TNKS: variants seen among roughly 807,000 people sequenced by gnomAD.
TNKS encodes the protein tankyrase.
Under a neutral mutation model 135.8 loss-of-function variants are expected in TNKS, and 72 were observed. The ratio of observed to expected loss-of-function variants is 0.53; its 90% CI spans 0.44 to 0.64. The LOEUF (loss-of-function observed/expected upper bound fraction) is 0.64, where lower values mean the gene tolerates loss of function less well. Ranked by LOEUF, TNKS falls within the 30% of genes least tolerant of loss-of-function variation. The pLI, the probability that TNKS is intolerant of heterozygous loss-of-function variation, is 0.00. For missense variants in TNKS, 1,769 were observed against 1,674.0 expected, an observed-to-expected ratio of 1.06 and a Z score of -0.99; for synonymous variants, 849 against 649.3, an observed-to-expected ratio of 1.31 and a Z score of -4.68.
intron 5 of TNKS, among the ~76,000 whole-genome samples, chr8:9,686,580 G>A (rs766515190): frequency 3.3e-5 from 5 of 152,160 alleles, no homozygotes; most frequent in Non-Finnish European, 5.9e-5. Flanking sequence ...TACTGAAAAT[G>A]ATTCGTTGAT....
In TNKS at chr8:9,781,553, C is replaced by T. The variant is rs1204471342; in HGVS notation, c.*4817C>T. ...CTCCGTGACACAAAACACTGAAACT[C>T]TTCATGTGCATATAACACCTGCTTC... On this transcript the variant is annotated 3_prime_UTR_variant, in exon 27 of 27. Transcript: ENST00000310430. The T allele has an allele frequency of 6.6e-6, 1 of 152,364 alleles. No homozygotes were observed. Among genetic ancestry groups the T allele is most frequent in the Non-Finnish European group, 1.5e-5 (1 of 68,054 alleles). The allele number at this position is 152,364 out of a possible 1,614,324, so 9.4% of individuals were successfully genotyped here.
chr8:9,680,744 C>G lies in TNKS; in HGVS notation c.1051C>G (p.Leu351Val), dbSNP rs1194862970. 6.2e-7 allele frequency: 1 copy of G among 1,611,858 alleles called. No individual in the cohort carries two copies. Among genetic ancestry groups the G allele is most frequent in the East Asian group, 2.2e-5 (1 of 44,724 alleles). The change falls in exon 5 of 27, where the codon CTA becomes GTA. Residue 351 changes from leucine to valine, a missense_variant. Transcript: ENST00000310430. ...EAARSGNEEK[L>V]MALLTPLNVN... ...TTATAGGAGTGGTAATGAAGAAAAA[C>G]TAATGGCTTTACTGACTCCTCTAAA...
At chr8:9,560,327 C>T (rs772802184) in intron 1 of TNKS, among the ~76,000 whole-genome samples, 40 of 151,540 alleles carry the variant, frequency 2.6e-4, no homozygotes, top group Non-Finnish European at 4.0e-4. Context: ...TTAACATATA[C>T]GACTTGGATT....
rs371978406 is a variant in TNKS, at chr8:9,762,899, C to T, written c.3275-248C>T. Among the ~76,000 whole-genome samples the T allele has an allele frequency of 4.4e-3, 577 of 131,242 alleles. 5 individuals carry two copies. The highest frequency in any genetic ancestry group is 0.016 in the African/African-American group (548 of 35,044). The allele number at this position is 131,242 out of a possible 152,430, so 86.1% of individuals were successfully genotyped here. Reference sequence around the variant, plus strand: ...CAGCCTGGGCGACAGAGCGAGGCTCCGTCTCAAAAAAAAAAAAAAAAGAAC... The same window carrying T: ...CAGCCTGGGCGACAGAGCGAGGCTCTGTCTCAAAAAAAAAAAAAAAAGAAC... On this transcript the variant is annotated intron_variant, in intron 21 of 26. Coordinates refer to ENST00000310430, the MANE Select transcript of TNKS (RefSeq NM_003747.3).
At chr8:9,654,957 A>T (rs1585283547) in intron 3 of TNKS, among the ~76,000 whole-genome samples, 1 of 152,160 alleles carries the variant, frequency 6.6e-6, no homozygotes, top group Non-Finnish European at 1.5e-5. Context: ...GCATCGCCTC[A>T]CCTGGGAAGC....
chr8:9,613,224 C>G (rs942550465), intron 2 of TNKS, among the ~76,000 whole-genome samples: 10 of 152,168 alleles, frequency 6.6e-5, no homozygotes, highest in Non-Finnish European at 8.8e-5. Flanking sequence ...AGTTAGCTGA[C>G]CCCTGCCCTA....
chr8:9,587,266 TG>T (rs1798417130), intron 2 of TNKS, among the ~76,000 whole-genome samples: 1 of 152,246 alleles, frequency 6.6e-6, no homozygotes, highest in South Asian at 2.1e-4. Context: ...AAGCCACCAT[TG>T]GTGGCTTTGA....
intron 5 of TNKS, among the ~76,000 whole-genome samples, chr8:9,682,883 C>T (rs1393342100): frequency 1.3e-5 from 2 of 151,784 alleles, no homozygotes; most frequent in Non-Finnish European, 2.9e-5. Context: ...ATGTATAGAA[C>T]ATTTTTAAGA....
chr8:9,573,689 T>C (rs1404939761), intron 1 of TNKS, among the ~76,000 whole-genome samples: 1 of 152,230 alleles, frequency 6.6e-6, no homozygotes, highest in South Asian at 2.1e-4. Flanking sequence ...ATGAGAGATG[T>C]AATATAAATG....
chr8:9,576,518 T>C (rs1313956878), intron 1 of TNKS, among the ~76,000 whole-genome samples: 1 of 148,534 alleles, frequency 6.7e-6, no homozygotes, highest in Non-Finnish European at 1.5e-5. Context: ...TTGCCCAGGC[T>C]GGAGTGCAGT....
chr8:9,593,886 A>AT, intron 2 of TNKS, among the ~76,000 whole-genome samples: 1 of 150,822 alleles, frequency 6.6e-6, no homozygotes, highest in Middle Eastern at 3.5e-3. Context: ...ATTTATTATT[A>AT]TTATTATTAT....
At chr8:9,680,239 T>C (rs545991013) in intron 4 of TNKS, among the ~76,000 whole-genome samples, 1 of 152,286 alleles carries the variant, frequency 6.6e-6, no homozygotes, top group African/African-American at 2.4e-5. Context: ...GCCCAGCTTT[T>C]CCAGCGATAT....
intron 3 of TNKS, among the ~76,000 whole-genome samples, chr8:9,625,620 A>T (rs543056930): frequency 6.6e-6 from 1 of 151,886 alleles, no homozygotes; most frequent in Non-Finnish European, 1.5e-5. Flanking sequence ...ATGTTTTTAA[A>T]TTTCTCTTGA....
At chr8:9,716,504 G>C (rs1804606156) in intron 11 of TNKS, among the ~76,000 whole-genome samples, 1 of 152,096 alleles carries the variant, frequency 6.6e-6, no homozygotes, top group African/African-American at 2.4e-5. Flanking sequence ...TAATATAAAT[G>C]TATATTAATG....
At chr8:9,660,605 CTA>C (rs1435994376) in intron 3 of TNKS, among the ~76,000 whole-genome samples, 1 of 152,154 alleles carries the variant, frequency 6.6e-6, no homozygotes, top group African/African-American at 2.4e-5. Flanking sequence ...TAAGAGCTAT[CTA>C]TGACAAACCC....
At chr8:9,767,429 C>T (rs1234990844) in intron 25 of TNKS, among the ~76,000 whole-genome samples, 1 of 152,108 alleles carries the variant, frequency 6.6e-6, no homozygotes, top group Admixed American at 6.5e-5. Context: ...TTTTAACAAG[C>T]CAGGTTAATA....
At position 9,697,519 on chromosome 8, in the gene TNKS, A is replaced by G. The variant is rs535360052; in HGVS notation, c.1108-7144A>G. Among the ~76,000 whole-genome samples the G allele has an allele frequency of 1.6e-4, 25 of 152,280 alleles. 3 individuals are homozygous for G. Among genetic ancestry groups the G allele is most frequent in the African/African-American group, 6.0e-4 (25 of 41,564 alleles). On this transcript the variant is annotated intron_variant, in intron 5 of 26. Coordinates refer to ENST00000310430, the MANE Select transcript of TNKS (RefSeq NM_003747.3). ...GCAGAGTAAATAGACAATCTACAGA[A>G]TGGGAGAAAATACTCATAAACTATG...
Position 9,708,446 on chromosome 8 carries a change from T to C in TNKS, c.1532T>C (p.Leu511Pro). The C allele has an allele frequency of 6.2e-7, 1 of 1,609,878 alleles. No individual in the cohort carries two copies. The highest frequency in any genetic ancestry group is 8.5e-7 in the Non-Finnish European group (1 of 1,177,858). The part of the protein sequence containing the change: ...DLAKVKKTLA[L>P]EIINFKQPQS... Reference sequence around the variant, plus strand: ...GCTAAAGTTAAAAAAACACTCGCTCTGGAAATCATTAATTTCAAACAACCG... The same window carrying C: ...GCTAAAGTTAAAAAAACACTCGCTCCGGAAATCATTAATTTCAAACAACCG... Residue 511 changes from leucine to proline, a missense_variant, in exon 9 of 27, where the codon CTG becomes CCG. Leu to Pro is a moderately conservative substitution (Grantham distance 98, BLOSUM62 -3). This residue lies in a region of TNKS where 523 missense variants were observed against 541.0 expected (regional missense o/e 0.97). Coordinates refer to ENST00000310430, the MANE Select transcript of TNKS (RefSeq NM_003747.3).
At chr8:9,680,614 T>C in intron 4 of TNKS, 111 bp from the exon 5 acceptor site, 1 of 698,918 alleles carries the variant, frequency 1.4e-6, no homozygotes, top group Non-Finnish European at 2.5e-6. Flanking sequence ...GTGATCCATG[T>C]AAAAGAAATC....
Sources: allele counts gnomAD v4.1 joint callset (sites outside exome capture counted in the v4.1 genomes callset), GRCh38; gene constraint gnomAD v4.1.1; regional missense constraint gnomAD v4.1.1; transcripts MANE v1.5; gene names NCBI Gene and HGNC (gene_info 2026-07-23, HGNC 2026-07-21).